Variants in MNAT1 observed in about 807,000 individuals in gnomAD.
MNAT1 encodes CDK-activating kinase assembly factor MAT1.
Under a neutral mutation model 42.0 loss-of-function variants are expected in MNAT1, and 43 were observed. The ratio of observed to expected loss-of-function variants is 1.02; its 90% CI spans 0.80 to 1.32. The LOEUF (loss-of-function observed/expected upper bound fraction) is 1.32, where lower values mean the gene tolerates loss of function less well. Ranked by LOEUF, MNAT1 falls within the 40% of genes most tolerant of loss-of-function variation. The pLI, the probability that MNAT1 is intolerant of heterozygous loss-of-function variation, is 0.00. For synonymous variants in MNAT1, 118 were observed against 120.0 expected, an observed-to-expected ratio of 0.98 and a Z score of 0.11; for missense variants, 306 against 350.4, an observed-to-expected ratio of 0.87 and a Z score of 1.01.
chr14:60,935,982 C>G (rs1370307954), intron 7 of MNAT1, among the ~76,000 whole-genome samples: 1 of 152,092 alleles, frequency 6.6e-6, no homozygotes, highest in Non-Finnish European at 1.5e-5. Context: ...AACAAAAAAC[C>G]CAGCACAGTG....
chr14:60,912,169 G>A (rs1056767462), intron 7 of MNAT1, among the ~76,000 whole-genome samples: 3 of 152,010 alleles, frequency 2.0e-5, no homozygotes, highest in Admixed American at 6.5e-5. Context: ...TTTTCCGTTT[G>A]CTTGGTAGAT....
At chr14:60,833,223 G>T (rs1385635933) in intron 6 of MNAT1, among the ~76,000 whole-genome samples, 11 of 152,104 alleles carry the variant, frequency 7.2e-5, no homozygotes, top group Non-Finnish European at 1.2e-4. Flanking sequence ...TGTTGAATAG[G>T]AGTGGTGAGA....
rs1302636529 is a variant in MNAT1, at chr14:60,734,805, T to G, written c.-58T>G. On this transcript the variant is annotated 5_prime_UTR_variant, in exon 1 of 8. Transcript: ENST00000261245. The surrounding 1 kb of genome is among the most constrained non-coding windows in gnomAD (Gnocchi z 4.3). ...CCTGCTTGGTCGCGTCTGAGGGGGC[T>G]TGTAGGTGGCTCTGGCTGAAACAGG... 6.5e-6 allele frequency: 10 copies of G among 1,542,768 alleles called. No individual in the cohort carries two copies. The highest frequency in any genetic ancestry group is 9.0e-6 in the Non-Finnish European group (10 of 1,116,246).
intron 7 of MNAT1, among the ~76,000 whole-genome samples, chr14:60,886,508 GA>G (rs1566535289): frequency 6.6e-6 from 1 of 151,682 alleles, no homozygotes; most frequent in African/African-American, 2.4e-5. Flanking sequence ...ATTAGCCTTT[GA>G]AAAAGGCTAA....
chr14:60,915,020 T>C (rs536180928), intron 7 of MNAT1, among the ~76,000 whole-genome samples: 5 of 152,240 alleles, frequency 3.3e-5, no homozygotes, highest in Non-Finnish European at 7.3e-5. Flanking sequence ...GAGAAGATGC[T>C]GATTGATTCT....
At chr14:60,943,547 G>C (rs566520854) in intron 7 of MNAT1, among the ~76,000 whole-genome samples, 4 of 151,858 alleles carry the variant, frequency 2.6e-5, no homozygotes, top group Admixed American at 2.6e-4. Context: ...ATATCATCTC[G>C]TTAGAGTCAA....
chr14:60,761,555 G>A (rs773955500), intron 1 of MNAT1, among the ~76,000 whole-genome samples: 4 of 152,106 alleles, frequency 2.6e-5, no homozygotes, highest in Non-Finnish European at 5.9e-5. Context: ...AACTATGACA[G>A]CACTGAAAAA....
At chr14:60,934,376 C>G (rs1174824471) in intron 7 of MNAT1, among the ~76,000 whole-genome samples, 1 of 152,066 alleles carries the variant, frequency 6.6e-6, no homozygotes, top group South Asian at 2.1e-4. Flanking sequence ...ACCTTTACAC[C>G]CAACTGTAAA....
At chr14:60,955,953 C>T (rs528708354) in intron 7 of MNAT1, among the ~76,000 whole-genome samples, 2 of 151,946 alleles carry the variant, frequency 1.3e-5, no homozygotes, top group East Asian at 3.9e-4. Context: ...TTTAAAAAAA[C>T]CAACTTTTAG....
At chr14:60,849,915 C>T (rs1179831531) in intron 6 of MNAT1, among the ~76,000 whole-genome samples, 3 of 152,012 alleles carry the variant, frequency 2.0e-5, no homozygotes, top group Non-Finnish European at 2.9e-5. Context: ...CAGCTCACTG[C>T]AACCTCCCCA....
chr14:60,802,230 TAGAC>T (rs1424086341), intron 3 of MNAT1, among the ~76,000 whole-genome samples: 7 of 152,124 alleles, frequency 4.6e-5, no homozygotes, highest in Admixed American at 6.6e-5. Context: ...AAATTTCAAT[TAGAC>T]AGGAGGAATA....
chr14:60,959,920 G>GTTTTTTTTTTTTTTTTTTTT (rs11359127), intron 7 of MNAT1, among the ~76,000 whole-genome samples: 1 of 93,166 alleles, frequency 1.1e-5, no homozygotes, highest in Non-Finnish European at 2.2e-5. Flanking sequence ...TGGTTTTTAT[G>GTTTTTTTTTTTTTTTTTTTT]TTTTTTTTTT....
intron 1 of MNAT1, among the ~76,000 whole-genome samples, chr14:60,745,953 C>A (rs1346870284): frequency 6.6e-6 from 1 of 152,092 alleles, no homozygotes; most frequent in African/African-American, 2.4e-5. Flanking sequence ...CTGGTAATTA[C>A]AGTGAAGATC....
chr14:60,793,123 G>A (rs2031881810), intron 1 of MNAT1, among the ~76,000 whole-genome samples: 1 of 151,802 alleles, frequency 6.6e-6, no homozygotes, highest in Admixed American at 6.6e-5. Context: ...TCCCATCTCA[G>A]CCTCCTGAGT....
chr14:60,963,406 GTACTGTGC>G (rs1395654964), intron 7 of MNAT1, among the ~76,000 whole-genome samples: 2 of 152,066 alleles, frequency 1.3e-5, no homozygotes, highest in African/African-American at 4.8e-5. Context: ...TATTATTCTG[GTACTGTGC>G]TTAGTTTAAG....
chr14:60,891,632 T>C (rs1340046589), intron 7 of MNAT1, among the ~76,000 whole-genome samples: 1 of 152,142 alleles, frequency 6.6e-6, no homozygotes, highest in Non-Finnish European at 1.5e-5. Context: ...TTTGTAGTTT[T>C]AGTAGAGACC....
In MNAT1 at chr14:60,785,517, A is replaced by G. The variant is rs537963379; in HGVS notation, c.90-10700A>G. Among the ~76,000 whole-genome samples the G allele has an allele frequency of 1.7e-4, 26 of 152,300 alleles. No individual in the cohort carries two copies. In the Middle Eastern group the frequency reaches 0.01, roughly 60 times the overall value. On this transcript the variant is annotated intron_variant, in intron 1 of 7. Coordinates refer to ENST00000261245, the MANE Select transcript of MNAT1 (RefSeq NM_002431.4). The stretch of plus-strand genomic sequence containing the variant: ...AAGAAAACAAAAATGAGAACATTGT[A>G]TTTTTAGAACTATTTCACCTTGAGT...
rs4151176 is a variant in MNAT1, at chr14:60,774,393, A to C, written c.90-21824A>C. Among the ~76,000 whole-genome samples the C allele has an allele frequency of 1.6e-3, 251 of 152,270 alleles. No homozygotes were observed. In the East Asian group the frequency reaches 0.028, roughly 17 times the overall value. On this transcript the variant is annotated intron_variant, in intron 1 of 7. Transcript: ENST00000261245. ...GGGTAGAATGATAGGAATGAAGCTG[A>C]AGAGTTAGGTAGGGGTCAGGTCATG...
intron 1 of MNAT1, among the ~76,000 whole-genome samples, chr14:60,749,854 G>C (rs1350225947): frequency 6.6e-6 from 1 of 152,152 alleles, no homozygotes; most frequent in Non-Finnish European, 1.5e-5. Flanking sequence ...GGTTTCAAAT[G>C]TGTTAAGCCT....
Sources: allele counts gnomAD v4.1 joint callset (sites outside exome capture counted in the v4.1 genomes callset), GRCh38; gene constraint gnomAD v4.1.1; non-coding constraint Gnocchi (gnomAD v3.1); transcripts MANE v1.5; gene names NCBI Gene and HGNC (gene_info 2026-07-23, HGNC 2026-07-21).